DOK6: variants seen among roughly 807,000 people sequenced by gnomAD.
The protein encoded by DOK6 is downstream of tyrosine kinase 6.
A neutral mutation model predicts 44.0 loss-of-function variants in DOK6; 22 were observed. That is an observed-to-expected ratio of 0.50 (90% confidence interval 0.36 to 0.71). DOK6 has a LOEUF of 0.71. DOK6 is among the 30% of genes least tolerant of loss of function. The pLI is 0.00. For synonymous variants in DOK6, 166 were observed against 145.5 expected, an observed-to-expected ratio of 1.14 and a Z score of -1.01; for missense variants, 340 against 416.4, an observed-to-expected ratio of 0.82 and a Z score of 1.60.
At chr18:69,826,480 T>G (rs62090538) in intron 7 of DOK6, among the ~76,000 whole-genome samples, 16,682 of 152,230 alleles carry the variant, frequency 0.11, 989 homozygotes, top group Middle Eastern at 0.15. Flanking sequence ...GATGACAATT[T>G]TTATTGCTGC....
intron 1 of DOK6, among the ~76,000 whole-genome samples, chr18:69,525,452 G>T (rs1164248889): frequency 2.0e-5 from 3 of 151,958 alleles, no homozygotes; most frequent in African/African-American, 7.2e-5. Flanking sequence ...ATTGAAGGTG[G>T]TAATTGTTAT....
intron 1 of DOK6, among the ~76,000 whole-genome samples, chr18:69,549,516 T>G (rs1020235223): frequency 1.3e-5 from 2 of 151,636 alleles, no homozygotes; most frequent in Non-Finnish European, 3.0e-5. Context: ...CATAATCCAT[T>G]ACCCCATTTG....
At chr18:69,775,972 T>C (rs888153904) in intron 7 of DOK6, among the ~76,000 whole-genome samples, 3 of 152,072 alleles carry the variant, frequency 2.0e-5, no homozygotes, top group Admixed American at 1.3e-4. Context: ...TTTAAGTTTG[T>C]ACACACACAA....
chr18:69,810,813 G>C (rs1017384083), intron 7 of DOK6, among the ~76,000 whole-genome samples: 2 of 151,896 alleles, frequency 1.3e-5, no homozygotes, highest in African/African-American at 4.8e-5. Flanking sequence ...TGTTAGTGAG[G>C]ATATGTAGAA....
intron 1 of DOK6, among the ~76,000 whole-genome samples, chr18:69,522,981 G>A (rs1020469674): frequency 2.0e-5 from 3 of 152,216 alleles, no homozygotes; most frequent in South Asian, 2.1e-4. Context: ...AGCATTAAGG[G>A]ATAGCTATTT....
At chr18:69,706,805 A>T (rs1191561090) in intron 5 of DOK6, among the ~76,000 whole-genome samples, 1 of 150,462 alleles carries the variant, frequency 6.6e-6, no homozygotes, top group Non-Finnish European at 1.5e-5. Flanking sequence ...TGTCCTTGTG[A>T]TACTTTACTG....
intron 4 of DOK6, among the ~76,000 whole-genome samples, chr18:69,686,497 C>T (rs879668454): frequency 6.6e-6 from 1 of 151,934 alleles, no homozygotes; most frequent in African/African-American, 2.4e-5. Context: ...TGGATTAAGA[C>T]CTTAATAGCA....
intron 1 of DOK6, among the ~76,000 whole-genome samples, chr18:69,475,792 C>A (rs1477982260): frequency 2.0e-5 from 3 of 152,186 alleles, no homozygotes; most frequent in African/African-American, 4.8e-5. Flanking sequence ...AAATTTCATT[C>A]TATTAGACAC....
chr18:69,653,725 T>C (rs530301308), intron 3 of DOK6, among the ~76,000 whole-genome samples: 1 of 152,350 alleles, frequency 6.6e-6, no homozygotes, highest in Admixed American at 6.5e-5. Flanking sequence ...TCTAACCACA[T>C]GCAGTGAAGT....
intron 1 of DOK6, among the ~76,000 whole-genome samples, chr18:69,523,278 A>G (rs1981737496): frequency 1.3e-5 from 2 of 152,106 alleles, no homozygotes; most frequent in Non-Finnish European, 1.5e-5. Flanking sequence ...TTCATCTAAA[A>G]GAATGATTTT....
intron 3 of DOK6, among the ~76,000 whole-genome samples, chr18:69,675,317 T>G (rs1422059579): frequency 6.6e-6 from 1 of 152,246 alleles, no homozygotes; most frequent in Admixed American, 6.5e-5. Flanking sequence ...TGTCTGGGCA[T>G]GCACCGACTT....
intron 1 of DOK6, among the ~76,000 whole-genome samples, chr18:69,498,873 C>T (rs2144546616): frequency 6.6e-6 from 1 of 152,196 alleles, no homozygotes; most frequent in East Asian, 1.9e-4. Context: ...AACAAATTTT[C>T]CCGTGTATCA....
intron 7 of DOK6, among the ~76,000 whole-genome samples, chr18:69,761,463 G>A (rs1979551161): frequency 6.6e-6 from 1 of 152,140 alleles, no homozygotes; most frequent in African/African-American, 2.4e-5. Flanking sequence ...CTAGCTACCT[G>A]CTGTAACATT....
At chr18:69,478,406 C>A (rs1374105432) in intron 1 of DOK6, among the ~76,000 whole-genome samples, 1 of 152,082 alleles carries the variant, frequency 6.6e-6, no homozygotes, top group African/African-American at 2.4e-5. Flanking sequence ...CCTCCCCTTC[C>A]TTCTCCTCCT....
At chr18:69,459,244 G>A (rs1205500856) in intron 1 of DOK6, among the ~76,000 whole-genome samples, 7 of 142,752 alleles carry the variant, frequency 4.9e-5, no homozygotes, top group East Asian at 2.2e-4. Context: ...AAGGTGCCAC[G>A]TAATGTATTG....
rs917426744 is a variant in DOK6 at position 69,405,243 on chromosome 18, T to C, written c.66+3933T>C. Among the ~76,000 whole-genome samples the C allele has an allele frequency of 2.6e-5, 4 of 152,312 alleles. No individual in the cohort carries two copies. In the East Asian group the frequency reaches 7.7e-4, roughly 29 times the overall value. ...GTAAACACTGTGAGTTTTCCTTTCC[T>C]CTCTCAACAGCTTTCCTCGGAGTAT... On this transcript the variant is annotated intron_variant, in intron 1 of 7. Transcript: ENST00000382713.
At chr18:69,555,826 T>C (rs1020067987) in intron 1 of DOK6, among the ~76,000 whole-genome samples, 2 of 152,230 alleles carry the variant, frequency 1.3e-5, no homozygotes, top group African/African-American at 2.4e-5. Context: ...ATTTGATAAA[T>C]ATTTTTGCTC....
At chr18:69,755,036 TAAATACAAATTTTCCATTTTTC>T (rs1236646488) in intron 6 of DOK6, among the ~76,000 whole-genome samples, 2 of 152,194 alleles carry the variant, frequency 1.3e-5, no homozygotes, top group Non-Finnish European at 2.9e-5. Context: ...ATCAATTTTT[TAAATACAAATTTTCCATTTTTC>T]AGCAATAAAT....
intron 5 of DOK6, among the ~76,000 whole-genome samples, chr18:69,725,444 C>T (rs910690322): frequency 6.6e-6 from 1 of 152,170 alleles, no homozygotes; most frequent in Non-Finnish European, 1.5e-5. Context: ...CTTAAATATG[C>T]AGAAGTCACC....
Sources: allele counts gnomAD v4.1 joint callset (sites outside exome capture counted in the v4.1 genomes callset), GRCh38; gene constraint gnomAD v4.1.1; transcripts MANE v1.5; gene names NCBI Gene and HGNC (gene_info 2026-07-23, HGNC 2026-07-21).